TRIP6: variants seen among roughly 807,000 people sequenced by gnomAD.
TRIP6 encodes thyroid hormone receptor interactor 6.
Under a neutral mutation model 51.9 loss-of-function variants are expected in TRIP6, and 33 were observed. That is an observed-to-expected ratio of 0.64 (90% CI 0.48 to 0.85). The LOEUF (loss-of-function observed/expected upper bound fraction) is 0.85. Among genes scored for constraint, TRIP6 ranks in the 40% least tolerant of loss-of-function variants. The pLI is 0.00. For synonymous variants in TRIP6, 255 were observed against 275.8 expected, an observed-to-expected ratio of 0.92 and a Z score of 0.75; for missense variants, 661 against 652.1, an observed-to-expected ratio of 1.01 and a Z score of -0.15.
Position 100,868,132 on chromosome 7 carries a change from C to G in TRIP6, c.262C>G (p.Leu88Val). The G allele has an allele frequency of 1.2e-6, 2 of 1,612,680 alleles. No homozygotes were observed. The highest frequency in any genetic ancestry group is 1.7e-6 in the Non-Finnish European group (2 of 1,179,646). The change falls in exon 3 of 9, where the codon CTT becomes GTT. Residue 88 changes from leucine to valine, a missense_variant. Transcript: ENST00000200457. ...GGGGCTCCCTGCAGACAGGGGGGGCCTTCGCCCTGGAAGCCTGGACGCCGA... is the reference window on the plus strand; with the variant it reads ...GGGGCTCCCTGCAGACAGGGGGGGCGTTCGCCCTGGAAGCCTGGACGCCGA... ...TQGLPADRGG[L>V]RPGSLDAEID...
Position 100,868,853 on chromosome 7 carries a change from AGCACGGGC to A in TRIP6, c.723_730del (p.Glu241AspfsTer12). 1 of 1,513,000 alleles carries A rather than the reference AGCACGGGC, an allele frequency of 6.6e-7. No homozygotes were observed. Among genetic ancestry groups the A allele is most frequent in the South Asian group, 1.3e-5 (1 of 74,512 alleles). The allele number at this position is 1,513,000 out of a possible 1,614,324, so 93.7% of individuals were successfully genotyped here. A position where few individuals can be genotyped will look rare whatever the true frequency, so the allele number is the denominator to read the frequency against. ...CCTGCAGGAAGAGGAAGAGGAGGCG[AGCACGGGC>A]CCCAGGTGAGCCCTGGGGAACTGGG... On this transcript the variant is annotated frameshift_variant, in exon 4 of 9. Coordinates refer to ENST00000200457, the MANE Select transcript of TRIP6 (RefSeq NM_003302.3). LOFTEE classifies it high-confidence loss of function.
intron 4 of TRIP6, among the ~76,000 whole-genome samples, chr7:100,870,129 C>T (rs1815237655): frequency 6.6e-6 from 1 of 152,194 alleles, no homozygotes; most frequent in East Asian, 1.9e-4. Context: ...ACACACAGTT[C>T]ACAATAGGGT....
intron 4 of TRIP6, among the ~76,000 whole-genome samples, chr7:100,869,632 CAAAAAAAAAAAAAA>C (rs757024618): frequency 2.7e-5 from 1 of 37,644 alleles, no homozygotes; most frequent in South Asian, 1.0e-3. Context: ...AACTCTGTCT[CAAAAAAAAAAAAAA>C]AAAAAAAAAA....
chr7:100,869,815 G>C (rs1815232001), intron 4 of TRIP6, among the ~76,000 whole-genome samples: 1 of 142,202 alleles, frequency 7.0e-6, no homozygotes, highest in African/African-American at 2.6e-5. Flanking sequence ...GGAGGGGGAT[G>C]GGAGGGGGTG....
chr7:100,870,891 G>C lies in TRIP6; in HGVS notation c.999+148G>C, dbSNP rs149644451. The C allele has an allele frequency of 6.7e-4, 767 of 1,136,540 alleles. 1 individual carries two copies. The African/African-American group carries it at 8.3e-3, about 12-fold the overall frequency. 70.4% of individuals were successfully genotyped at this position (1,136,540 alleles called of 1,614,324 possible). ...TGATGTACAAACAGGGCGGAATTCT[G>C]CAAGTATCAAGCAAGTAGCTTAACA... On this transcript the variant is annotated intron_variant, in intron 6 of 8. Coordinates refer to ENST00000200457, the MANE Select transcript of TRIP6 (RefSeq NM_003302.3).
intron 2 of TRIP6, 56 bp downstream of exon 2, chr7:100,868,044 G>A (rs768200048): frequency 6.7e-5 from 103 of 1,542,158 alleles, no homozygotes; most frequent in Non-Finnish European, 8.3e-5. Context: ...CCGAGTCTGA[G>A]GGACCCAGGA....
chr7:100,870,320 T>A, intron 4 of TRIP6, 50 bp from the exon 5 acceptor site: 2 of 1,569,636 alleles, frequency 1.3e-6, no homozygotes, highest in Non-Finnish European at 1.7e-6. Flanking sequence ...GGCCCTGGTA[T>A]TACAGCATCA....
chr7:100,868,762 C>A lies in TRIP6; in HGVS notation c.631C>A (p.Pro211Thr). Residue 211 changes from proline to threonine, a missense_variant, in exon 4 of 9, where the codon CCT (proline) becomes ACT (threonine). Pro to Thr is a conservative substitution (Grantham distance 38, BLOSUM62 -1). Coordinates refer to ENST00000200457, the MANE Select transcript of TRIP6 (RefSeq NM_003302.3). Reference sequence around the variant, plus strand: ...CCCAGGCCGAGGTGAAGTCTGGGGGCCTGGCTATAGGAGCCAGAGAGAGCC... The same window carrying A: ...CCCAGGCCGAGGTGAAGTCTGGGGGACTGGCTATAGGAGCCAGAGAGAGCC... ...PLPGRGEVWG[P>T]GYRSQREPGP... is the part of the protein sequence containing the mutation. 3.2e-6 allele frequency: 5 copies of A among 1,544,152 alleles called. No homozygotes were observed. The highest frequency in any genetic ancestry group is 4.3e-6 in the Non-Finnish European group (5 of 1,149,452).
chr7:100,867,567 C>A lies in TRIP6; in HGVS notation c.70C>A (p.Pro24Thr). ...CAGAGCCCCTCAGGGGAGGGCGATC[C>A]CCCGCGGCACCCCGGGGCCACCACC... ...PARAPQGRAI[P>T]RGTPGPPPAH... The change falls in exon 1 of 9, where the codon CCC becomes ACC. Residue 24 changes from proline to threonine, a missense_variant. Pro to Thr is a conservative substitution (Grantham distance 38). Coordinates refer to ENST00000200457, the MANE Select transcript of TRIP6 (RefSeq NM_003302.3). The surrounding 1 kb of genome is among the most constrained non-coding windows in gnomAD (Gnocchi z 5.4). 1.3e-6 allele frequency: 2 copies of A among 1,539,744 alleles called. No homozygotes were observed. Among genetic ancestry groups the A allele is most frequent in the Non-Finnish European group, 1.7e-6 (2 of 1,145,972 alleles).
chr7:100,868,966 G>C, intron 4 of TRIP6, 100 bp downstream of exon 4: 3 of 1,372,882 alleles, frequency 2.2e-6, no homozygotes, highest in Non-Finnish European at 9.4e-7. Flanking sequence ...TGTTTTTTGA[G>C]ACAGAGTTTT....
rs759054454 is a variant in TRIP6, at chr7:100,868,715, T to A, written c.584T>A (p.Leu195His). Reference sequence around the variant, plus strand: ...GGAGCCTCTCAGGCCTCTGGGCCCCTCCCGGGCCCCCACTTTCCTCTCCCA... The same window carrying A: ...GGAGCCTCTCAGGCCTCTGGGCCCCACCCGGGCCCCCACTTTCCTCTCCCA... Reference protein sequence around the residue: ...RRGASQASGPLPGPHFPLPGR... With the variant: ...RRGASQASGPHPGPHFPLPGR... The change falls in exon 4 of 9, where the codon CTC (leucine) becomes CAC (histidine). Residue 195 changes from leucine (L) to histidine (H), a missense_variant. Physicochemically the swap from Leu to His is moderately conservative, Grantham distance 99 (BLOSUM62 -3). Transcript: ENST00000200457. 24 of 1,570,746 alleles carry A rather than the reference T, an allele frequency of 1.5e-5. No individual in the cohort carries two copies. Among genetic ancestry groups the A allele is most frequent in the Non-Finnish European group, 1.9e-5 (22 of 1,160,558 alleles).
Position 100,871,557 on chromosome 7 carries a change from A to G in TRIP6, c.1014A>G (p.Lys338=). 1 of 1,613,792 alleles carries G rather than the reference A, an allele frequency of 6.2e-7. No individual in the cohort carries two copies. Among genetic ancestry groups the G allele is most frequent in the East Asian group, 2.2e-5 (1 of 44,886 alleles). ...CTTCCCAACAGGCCACCCTGGAGAA[A>G]TGTGCCACGTGCTCCCAGCCCATCC... ...CEGCYVATLE[K]CATCSQPILD... is the part of the protein sequence containing the mutation. Residue 338 remains lysine (K), a synonymous_variant, in exon 7 of 9, where the codon AAA becomes AAG. Coordinates refer to ENST00000200457, the MANE Select transcript of TRIP6 (RefSeq NM_003302.3).
chr7:100,868,136 G>C lies in TRIP6; in HGVS notation c.266G>C (p.Arg89Pro). The C allele has an allele frequency of 6.2e-7, 1 of 1,611,788 alleles. No homozygotes were observed. The highest frequency in any genetic ancestry group is 8.5e-7 in the Non-Finnish European group (1 of 1,179,316). Residue 89 changes from arginine to proline, a missense_variant, in exon 3 of 9, where the codon CGC becomes CCC. Transcript: ENST00000200457. ...CTCCCTGCAGACAGGGGGGGCCTTC[G>C]CCCTGGAAGCCTGGACGCCGAGATA... ...QGLPADRGGLRPGSLDAEIDL... is the reference protein window; with the variant it reads ...QGLPADRGGLPPGSLDAEIDL...
intron 4 of TRIP6, 105 bp from the exon 5 acceptor site, chr7:100,870,265 T>C: frequency 8.7e-7 from 1 of 1,149,282 alleles, no homozygotes; most frequent in South Asian, 1.3e-5. Context: ...GCTCAGCTCC[T>C]GCTGTGTGGC....
At position 100,867,950 on chromosome 7, in the gene TRIP6, G is replaced by A; in HGVS notation, c.199G>A (p.Ala67Thr). 2 of 1,514,430 alleles carry A rather than the reference G, an allele frequency of 1.3e-6. No homozygotes were observed. The highest frequency in any genetic ancestry group is 1.4e-5 in the African/African-American group (1 of 71,192). 93.8% of individuals were successfully genotyped at this position (1,514,430 alleles called of 1,614,324 possible). ...AGGGGGACCGGAGGATCGGGGGCCGGCGTGGGTGGGGTCCCATGGAGTACT... is the reference window on the plus strand; with the variant it reads ...AGGGGGACCGGAGGATCGGGGGCCGACGTGGGTGGGGTCCCATGGAGTACT... ...APGGPEDRGP[A>T]WVGSHGVLQH... Residue 67 changes from alanine to threonine, a missense_variant, in exon 2 of 9, where the codon GCG (alanine) becomes ACG (threonine). Transcript: ENST00000200457. This position sits in a 1 kb window ranked among gnomAD's most constrained non-coding sequence, Gnocchi z 5.4.
chr7:100,868,301 G>T (rs1275299701), intron 3 of TRIP6, 68 bp downstream of exon 3: 2 of 1,571,860 alleles, frequency 1.3e-6, no homozygotes, highest in African/African-American at 1.4e-5. Flanking sequence ...CAGCCTGATC[G>T]ATCCCCCATG....
chr7:100,873,262 C>T lies in TRIP6; in HGVS notation c.1390C>T (p.Arg464Cys), dbSNP rs770005732. ...CTTGTGCAAGGCCTGCAGCGCCTGGCGCATCCAGGAGCTCTCAGCCACCGT... is the reference window on the plus strand; with the variant it reads ...CTTGTGCAAGGCCTGCAGCGCCTGGTGCATCCAGGAGCTCTCAGCCACCGT... ...HILCKACSAW[R>C]IQELSATVTT... The change falls in exon 9 of 9, where the codon CGC (arginine) becomes TGC (cysteine). Residue 464 changes from arginine to cysteine, a missense_variant. Arg to Cys is a radical substitution (Grantham distance 180). Coordinates refer to ENST00000200457, the MANE Select transcript of TRIP6 (RefSeq NM_003302.3). The T allele has an allele frequency of 6.2e-6, 10 of 1,612,876 alleles. No individual in the cohort carries two copies. The highest frequency in any genetic ancestry group is 1.7e-4 in the Middle Eastern group (1 of 6,058).
In TRIP6 at chr7:100,868,738, C is replaced by A; in HGVS notation, c.607C>A (p.Pro203Thr). Residue 203 changes from proline (P) to threonine (T), a missense_variant, in exon 4 of 9, where the codon CCA becomes ACA. Coordinates refer to ENST00000200457, the MANE Select transcript of TRIP6 (RefSeq NM_003302.3). Reference protein sequence around the residue: ...GPLPGPHFPLPGRGEVWGPGY... With the variant: ...GPLPGPHFPLTGRGEVWGPGY... Reference sequence around the variant, plus strand: ...CCTCCCGGGCCCCCACTTTCCTCTCCCAGGCCGAGGTGAAGTCTGGGGGCC... The same window carrying A: ...CCTCCCGGGCCCCCACTTTCCTCTCACAGGCCGAGGTGAAGTCTGGGGGCC... The A allele has an allele frequency of 1.3e-6, 2 of 1,559,242 alleles. No individual in the cohort carries two copies. Among genetic ancestry groups the A allele is most frequent in the Non-Finnish European group, 1.7e-6 (2 of 1,155,940 alleles).
intron 6 of TRIP6, chr7:100,871,041 T>G: frequency 3.5e-6 from 2 of 577,200 alleles, no homozygotes; most frequent in South Asian, 3.1e-5. Flanking sequence ...GGTTTTGTTT[T>G]TTGTTTTTTT....
Sources: allele counts gnomAD v4.1 joint callset (sites outside exome capture counted in the v4.1 genomes callset), GRCh38; gene constraint gnomAD v4.1.1; non-coding constraint Gnocchi (gnomAD v3.1); transcripts MANE v1.5; gene names NCBI Gene and HGNC (gene_info 2026-07-23, HGNC 2026-07-21).